The following HEATR4 variants were observed in gnomAD, a reference collection of about 807,000 sequenced individuals.
The protein encoded by HEATR4 is HEAT repeat-containing protein 4.
HEATR4 carries 95 observed loss-of-function variants against 108.8 expected under a neutral mutation model. That is an observed-to-expected ratio of 0.87 (90% CI 0.74 to 1.04). HEATR4 has a LOEUF of 1.04. HEATR4 is among the 50% of genes least tolerant of loss of function. The probability of loss-of-function intolerance (pLI) is 0.00; values close to 1 mark genes in which losing one functional copy is unlikely to be tolerated. For missense variants in HEATR4, 1,152 were observed against 1,253.8 expected (o/e 0.92, Z 1.23); for synonymous variants, 443 against 459.4 (o/e 0.96, Z 0.46).
At chr14:73,577,123 G>C in the HEATR4 span, among the ~76,000 whole-genome samples, 149 of 151,254 alleles carry the variant, frequency 9.9e-4, 1 homozygote, top group African/African-American at 3.3e-3. Flanking sequence ...GTACAGATGG[G>C]GTCTCCCAGT....
At chr14:73,573,803 T>G in the HEATR4 span, among the ~76,000 whole-genome samples, 1 of 151,990 alleles carries the variant, frequency 6.6e-6, no homozygotes, top group African/African-American at 2.4e-5. Context: ...CTTGGCTCAC[T>G]GCAACCTCCA....
At chr14:73,559,031 G>A (rs545063821), upstream of HEATR4, 9 of 152,002 alleles carry the variant, frequency 5.9e-5, 1 homozygote, top group Non-Finnish European at 8.8e-5. Context: ...TCAGTCGGGG[G>A]TATATCTTCA....
the HEATR4 span, among the ~76,000 whole-genome samples, chr14:73,602,202 G>A: frequency 6.6e-6 from 1 of 152,132 alleles, no homozygotes; most frequent in African/African-American, 2.4e-5. Flanking sequence ...GCCTCCCAAA[G>A]TGCTGGGATT....
At chr14:73,612,797 CA>C in the HEATR4 span, 1 of 1,380,366 alleles carries the variant, frequency 7.2e-7, no homozygotes, top group Non-Finnish European at 9.4e-7. Context: ...CGCGGGGCTC[CA>C]GCCCATGGGG....
At chr14:73,571,446 C>T in the HEATR4 span, 2 of 151,890 alleles carry the variant, frequency 1.3e-5, no homozygotes, top group Non-Finnish European at 2.9e-5. Flanking sequence ...GCATGTGCTT[C>T]ATCTCTTGCA....
chr14:73,629,788 G>A, the HEATR4 span, among the ~76,000 whole-genome samples: 1 of 151,912 alleles, frequency 6.6e-6, no homozygotes, highest in Non-Finnish European at 1.5e-5. Context: ...GGGACTACAG[G>A]CACCCGCCAC....
the HEATR4 span, chr14:73,611,572 A>C: frequency 6.6e-6 from 1 of 152,282 alleles, no homozygotes; most frequent in South Asian, 2.1e-4. Flanking sequence ...CCCAAAATGG[A>C]CTCTGCCAGT....
intron 17 of HEATR4, among the ~76,000 whole-genome samples, chr14:73,479,431 CTTTCTTTCT>C (rs1885156942): frequency 7.7e-5 from 7 of 90,756 alleles, no homozygotes; most frequent in Admixed American, 2.8e-4. Context: ...TTCTTTCTTT[CTTTCTTTCT>C]TTTTTTTTTT....
chr14:73,490,600 C>T (rs1885643124), intron 17 of HEATR4, among the ~76,000 whole-genome samples: 1 of 152,198 alleles, frequency 6.6e-6, no homozygotes, highest in South Asian at 2.1e-4. Flanking sequence ...GGATTACAGG[C>T]GGAGCCACCG....
chr14:73,595,932 T>C, the HEATR4 span: 1 of 275,398 alleles, frequency 3.6e-6, no homozygotes, highest in Non-Finnish European at 6.7e-6. Context: ...ATGTTTTGAG[T>C]CACAGGTGAG....
At chr14:73,493,268 G>T in intron 16 of HEATR4, 144 bp from the exon 17 acceptor site, 1 of 643,722 alleles carries the variant, frequency 1.6e-6, no homozygotes, top group Non-Finnish European at 2.7e-6. Flanking sequence ...ACAGATATTA[G>T]ATTTTTTTTG....
At chr14:73,599,285 A>G in the HEATR4 span, among the ~76,000 whole-genome samples, 1 of 152,130 alleles carries the variant, frequency 6.6e-6, no homozygotes, top group Non-Finnish European at 1.5e-5. Flanking sequence ...TTTGTGAGCA[A>G]AATAGATTGT....
chr14:73,591,063 T>C, the HEATR4 span, among the ~76,000 whole-genome samples: 29 of 151,548 alleles, frequency 1.9e-4, 2 homozygotes, highest in South Asian at 6.1e-3. Flanking sequence ...GGAAACAGGG[T>C]GACACCTCCT....
At chr14:73,513,872 A>G (rs953965601) in intron 6 of HEATR4, among the ~76,000 whole-genome samples, 159 bp downstream of exon 6, 5 of 151,908 alleles carry the variant, frequency 3.3e-5, no homozygotes, top group African/African-American at 1.2e-4. Flanking sequence ...TTCATCTAAC[A>G]CCCAATGTGT....
upstream of HEATR4, among the ~76,000 whole-genome samples, chr14:73,562,707 TTGAGA>T (rs1267954628): frequency 2.0e-5 from 3 of 151,966 alleles, no homozygotes; most frequent in African/African-American, 7.2e-5. Flanking sequence ...TCTTGTGCCG[TTGAGA>T]TAAGGACTGA....
rs141161609 is a variant in HEATR4 at position 73,543,216 on chromosome 14, G to C, written c.-151-12972C>G. On this transcript the variant is annotated intron_variant, in intron 1 of 17. Transcript: ENST00000553558. The stretch of plus-strand genomic sequence containing the variant: ...AAGGGCGAGACCCTGCCCCCTGTGG[G>C]CGTCAACAGAAATCGCATCAAGGTG... 2,118 of 1,603,494 alleles carry C rather than the reference G, an allele frequency of 1.3e-3. 111 individuals carry two copies. In the South Asian group the frequency reaches 0.017, roughly 13 times the overall value.
At chr14:73,486,555 G>T (rs1049051779) in intron 17 of HEATR4, among the ~76,000 whole-genome samples, 1 of 152,036 alleles carries the variant, frequency 6.6e-6, no homozygotes, top group African/African-American at 2.4e-5. Context: ...AAAATTAGCC[G>T]GGTGTGGTGG....
At position 73,553,894 on chromosome 14, in the gene HEATR4, C is replaced by A. The variant is rs770903525; in HGVS notation, c.-152+4857G>T. On this transcript the variant is annotated intron_variant, in intron 1 of 17. Coordinates refer to ENST00000553558, the MANE Select transcript of HEATR4 (RefSeq NM_001220484.1). ...CACCTGTGCTAAAGTTTCACCCAAC[C>A]TAAACTGAAGTGTTACCTGGCCTTC... Among the ~76,000 whole-genome samples, 19 of 115,644 alleles carry A rather than the reference C, an allele frequency of 1.6e-4. 8 individuals carry two copies. The highest frequency in any genetic ancestry group is 2.7e-4 in the Non-Finnish European group (14 of 52,402). The allele number at this position is 115,644 out of a possible 152,430, so 75.9% of individuals were successfully genotyped here. A position where few individuals can be genotyped will look rare whatever the true frequency, so the allele number is the denominator to read the frequency against.
the HEATR4 span, among the ~76,000 whole-genome samples, chr14:73,603,798 A>G: frequency 1.3e-5 from 2 of 151,248 alleles, no homozygotes; most frequent in East Asian, 1.9e-4. Context: ...CAGTGGTGCA[A>G]TCTTGGCTCA....
Sources: gnomAD v4.1 joint callset for allele counts (sites outside exome capture counted in the v4.1 genomes callset) on GRCh38, gnomAD v4.1.1 for gene constraint, MANE v1.5 for transcripts, NCBI Gene and HGNC (gene_info 2026-07-23, HGNC 2026-07-21) for gene names.